Variants in IQGAP2 observed in about 807,000 individuals in gnomAD.
IQGAP2 encodes ras GTPase-activating-like protein IQGAP2.
Under a neutral mutation model 201.3 loss-of-function variants are expected in IQGAP2, and 173 were observed. That is an observed-to-expected ratio of 0.86 (90% CI 0.76 to 0.98). The LOEUF (loss-of-function observed/expected upper bound fraction) is 0.98. Among genes scored for constraint, IQGAP2 ranks in the 50% least tolerant of loss-of-function variants. The pLI, the probability that IQGAP2 is intolerant of heterozygous loss-of-function variation, is 0.00. For synonymous variants in IQGAP2, 675 were observed against 673.9 expected (o/e 1.00, Z -0.03); for missense variants, 1,687 against 1,864.8 (o/e 0.90, Z 1.76).
intron 1 of IQGAP2, among the ~76,000 whole-genome samples, chr5:76,418,247 C>T (rs1388751205): frequency 6.8e-6 from 1 of 147,448 alleles, no homozygotes; most frequent in Non-Finnish European, 1.5e-5. Flanking sequence ...TCTCCTTCAA[C>T]TTGAAAGGCA....
chr5:76,516,588 AGAGAAAAGATGTGTTT>A lies in IQGAP2; in HGVS notation c.147-45804_147-45789del, dbSNP rs1445092713. On this transcript the variant is annotated intron_variant, in intron 2 of 35. Coordinates refer to ENST00000274364, the MANE Select transcript of IQGAP2 (RefSeq NM_006633.5). ...AGAAACTCCAAATATAAGGAACTTT[AGAGAAAAGATGTGTTT>A]GAGTATGTGCGTGTGTTGGGGGAGG... 2.6e-5 allele frequency among the ~76,000 whole-genome samples: 4 copies of A among 152,204 alleles called. No individual in the cohort carries two copies. The South Asian group carries it at 8.3e-4, about 31-fold the overall frequency.
chr5:76,583,344 A>G (rs905163), intron 5 of IQGAP2, among the ~76,000 whole-genome samples: 86,872 of 151,842 alleles, frequency 0.57, 25,902 homozygotes, highest in East Asian at 0.76. Context: ...TTGAGTAATC[A>G]GCTGGGAAGC....
At chr5:76,409,466 C>T (rs1334889520) in intron 1 of IQGAP2, among the ~76,000 whole-genome samples, 1 of 151,894 alleles carries the variant, frequency 6.6e-6, no homozygotes, top group Non-Finnish European at 1.5e-5. Context: ...AGGCTGGTCT[C>T]GAACTCCTGA....
At chr5:76,586,445 C>G (rs185149956) in intron 5 of IQGAP2, among the ~76,000 whole-genome samples, 1 of 151,932 alleles carries the variant, frequency 6.6e-6, no homozygotes. Context: ...CTTTAAAATT[C>G]GAACATTCAT....
intron 11 of IQGAP2, among the ~76,000 whole-genome samples, chr5:76,604,078 A>C (rs11951829): frequency 0.17 from 25,246 of 152,024 alleles, 2,273 homozygotes; most frequent in Admixed American, 0.28. Flanking sequence ...TGCTGCACCC[A>C]TCAACCCACC....
At chr5:76,498,975 A>G (rs919610739) in intron 2 of IQGAP2, among the ~76,000 whole-genome samples, 3 of 152,234 alleles carry the variant, frequency 2.0e-5, no homozygotes, top group Admixed American at 1.3e-4. Flanking sequence ...TAGTAGAAAC[A>G]GGAGAGTGGC....
intron 1 of IQGAP2, among the ~76,000 whole-genome samples, chr5:76,441,214 G>C (rs1197105985): frequency 6.6e-6 from 1 of 152,040 alleles, no homozygotes; most frequent in Non-Finnish European, 1.5e-5. Context: ...TTGTGTAAAG[G>C]GTTTAAGAGA....
At chr5:76,665,801 T>G (rs1325882382) in intron 22 of IQGAP2, among the ~76,000 whole-genome samples, 3 of 152,244 alleles carry the variant, frequency 2.0e-5, no homozygotes, top group African/African-American at 7.2e-5. Flanking sequence ...GATCACTTAT[T>G]GTTTTGTTTG....
intron 2 of IQGAP2, among the ~76,000 whole-genome samples, chr5:76,480,618 A>G (rs190939471): frequency 6.6e-6 from 1 of 152,274 alleles, no homozygotes; most frequent in Admixed American, 6.5e-5. Flanking sequence ...CAACTTCCAT[A>G]TTATTGTTCT....
chr5:76,420,916 A>T (rs1751698410), intron 1 of IQGAP2, among the ~76,000 whole-genome samples: 1 of 152,230 alleles, frequency 6.6e-6, no homozygotes, highest in African/African-American at 2.4e-5. Context: ...TTCCTTTTTA[A>T]GGCTGAATAA....
At chr5:76,627,354 T>C (rs1383535822) in intron 13 of IQGAP2, 56 bp from the exon 14 acceptor site, 4 of 1,136,528 alleles carry the variant, frequency 3.5e-6, no homozygotes, top group Non-Finnish European at 5.3e-6. Flanking sequence ...CAGTTATTAA[T>C]TCTGTTTCCT....
chr5:76,629,099 G>T (rs1750486920), intron 14 of IQGAP2, among the ~76,000 whole-genome samples: 1 of 152,122 alleles, frequency 6.6e-6, no homozygotes, highest in South Asian at 2.1e-4. Context: ...GACTATAAAA[G>T]TAAGAGGATT....
At chr5:76,674,078 G>T (rs751528449) in intron 26 of IQGAP2, 42 bp downstream of exon 26, 7 of 1,104,344 alleles carry the variant, frequency 6.3e-6, no homozygotes, top group Non-Finnish European at 9.7e-6. Flanking sequence ...TCTCCTGGGG[G>T]TATGAATCAA....
At chr5:76,460,860 C>CTTTTT (rs61258350) in intron 1 of IQGAP2, among the ~76,000 whole-genome samples, 1 of 113,540 alleles carries the variant, frequency 8.8e-6, no homozygotes, top group African/African-American at 3.7e-5. Context: ...TTGCACACTG[C>CTTTTT]TTTTTTTTTT....
intron 24 of IQGAP2, among the ~76,000 whole-genome samples, chr5:76,672,369 G>T (rs1744409540): frequency 6.6e-6 from 1 of 152,018 alleles, no homozygotes. Context: ...ATTCTGGGTG[G>T]GTGGTTGTAG....
At chr5:76,471,374 A>AAC (rs1561396484) in intron 2 of IQGAP2, among the ~76,000 whole-genome samples, 4 of 104,294 alleles carry the variant, frequency 3.8e-5, no homozygotes, top group African/African-American at 9.6e-5. Flanking sequence ...CAAAAAAAAA[A>AAC]AAAAAAAAAA....
chr5:76,545,088 CTATG>C (rs904779613), intron 2 of IQGAP2, among the ~76,000 whole-genome samples: 5 of 151,908 alleles, frequency 3.3e-5, no homozygotes, highest in Admixed American at 3.3e-4. Flanking sequence ...ATACACATAA[CTATG>C]TATATAAAAC....
chr5:76,664,624 A>C (rs966880924), intron 21 of IQGAP2, among the ~76,000 whole-genome samples: 3 of 152,164 alleles, frequency 2.0e-5, no homozygotes, highest in African/African-American at 7.2e-5. Flanking sequence ...CAGAGGTTGC[A>C]GTGTGCTGAG....
intron 35 of IQGAP2, 111 bp from the exon 36 acceptor site, chr5:76,707,089 C>T (rs7717826): frequency 0.66 from 433,886 of 655,258 alleles, 145,979 homozygotes; most frequent in African/African-American, 0.75. Context: ...AGACCCCACC[C>T]AGGTGATTAG....
Sources: allele counts gnomAD v4.1 joint callset (sites outside exome capture counted in the v4.1 genomes callset), GRCh38; gene constraint gnomAD v4.1.1; transcripts MANE v1.5; gene names NCBI Gene and HGNC (gene_info 2026-07-23, HGNC 2026-07-21).